Variants in LDAH observed in about 807,000 individuals in gnomAD.
LDAH encodes lipid droplet associated hydrolase.
A neutral mutation model predicts 29.6 loss-of-function variants in LDAH; 26 were observed. The observed-to-expected ratio is 0.88, with a 90% confidence interval of 0.64 to 1.22. The LOEUF is 1.22. Ranked by LOEUF, LDAH falls within the 50% of genes most tolerant of loss-of-function variation. LDAH has a pLI of 0.00. For missense variants in LDAH, 344 were observed against 387.3 expected (o/e 0.89, Z 0.94); for synonymous variants, 117 against 133.0 (o/e 0.88, Z 0.83).
At chr2:20,774,685 G>A in intron 4 of LDAH, 125 bp downstream of exon 4, 1 of 930,274 alleles carries the variant, frequency 1.1e-6, no homozygotes, top group South Asian at 1.5e-5. Flanking sequence ...AAGGCAGAAA[G>A]CAAATATCCC....
intron 4 of LDAH, among the ~76,000 whole-genome samples, chr2:20,771,408 T>C (rs1357591207): frequency 1.3e-5 from 2 of 152,274 alleles, no homozygotes; most frequent in Non-Finnish European, 2.9e-5. Context: ...TCACACTTCA[T>C]ATGTTATAAA....
In LDAH at chr2:20,685,622, G is replaced by A; in HGVS notation, c.*1281C>T. 1.9e-6 allele frequency: 3 copies of A among 1,550,422 alleles called. No homozygotes were observed. Among genetic ancestry groups the A allele is most frequent in the Non-Finnish European group, 2.6e-6 (3 of 1,146,966 alleles). On this transcript the variant is annotated 3_prime_UTR_variant, in exon 7 of 7. Coordinates refer to ENST00000237822, the MANE Select transcript of LDAH (RefSeq NM_021925.4). ...GATTTGAGCGGAGGGACATCTCATTGTCCTTAGGGAATGATAATGCCATGA... is the reference window on the plus strand; with the variant it reads ...GATTTGAGCGGAGGGACATCTCATTATCCTTAGGGAATGATAATGCCATGA...
chr2:20,735,931 G>A (rs376530537), intron 5 of LDAH, among the ~76,000 whole-genome samples: 10 of 152,224 alleles, frequency 6.6e-5, no homozygotes, highest in African/African-American at 2.2e-4. Context: ...TAATATGGGG[G>A]TAGTGGTGAT....
At chr2:20,690,139 T>C (rs1433091855) in intron 6 of LDAH, among the ~76,000 whole-genome samples, 2 of 152,076 alleles carry the variant, frequency 1.3e-5, no homozygotes, top group East Asian at 3.9e-4. Context: ...GCAAACACCA[T>C]CCCCGTACAT....
downstream of LDAH, among the ~76,000 whole-genome samples, chr2:20,683,807 A>G (rs1662381285): frequency 6.6e-6 from 1 of 152,120 alleles, no homozygotes; most frequent in Non-Finnish European, 1.5e-5. Context: ...AATCCACCAT[A>G]TGCCAGGCAA....
At chr2:20,725,048 C>T (rs1665916264) in intron 5 of LDAH, among the ~76,000 whole-genome samples, 1 of 152,136 alleles carries the variant, frequency 6.6e-6, no homozygotes, top group East Asian at 1.9e-4. Flanking sequence ...TACTCTTGGT[C>T]TATGGTGACT....
chr2:20,792,490 T>C (rs1671034069), intron 2 of LDAH, among the ~76,000 whole-genome samples: 1 of 152,190 alleles, frequency 6.6e-6, no homozygotes, highest in African/African-American at 2.4e-5. Context: ...AAAATCATAA[T>C]ACTGAATTTT....
At chr2:20,821,511 C>CAA (rs1673298945) in intron 1 of LDAH, among the ~76,000 whole-genome samples, 1 of 151,954 alleles carries the variant, frequency 6.6e-6, no homozygotes, top group Non-Finnish European at 1.5e-5. Context: ...CAAACTATCG[C>CAA]AAGGACAAAA....
chr2:20,708,395 CTG>C (rs1664463624), intron 5 of LDAH, among the ~76,000 whole-genome samples: 1 of 152,184 alleles, frequency 6.6e-6, no homozygotes, highest in Non-Finnish European at 1.5e-5. Context: ...AATAACAAAA[CTG>C]TGTCCCATAA....
At chr2:20,683,634 G>T (rs747520976), downstream of LDAH, among the ~76,000 whole-genome samples, 1 of 152,194 alleles carries the variant, frequency 6.6e-6, no homozygotes, top group African/African-American at 2.4e-5. Flanking sequence ...TTATCCCTGC[G>T]TAAGAGCCAA....
chr2:20,727,329 A>G (rs1666091342), intron 5 of LDAH, among the ~76,000 whole-genome samples: 1 of 152,252 alleles, frequency 6.6e-6, no homozygotes, highest in Non-Finnish European at 1.5e-5. Context: ...TCTTACTCAA[A>G]AATTATTCTG....
chr2:20,758,983 T>C (rs982903482), intron 4 of LDAH, among the ~76,000 whole-genome samples: 9 of 152,174 alleles, frequency 5.9e-5, no homozygotes, highest in African/African-American at 2.2e-4. Context: ...AAAATGTCTA[T>C]TGACATTAAT....
chr2:20,777,687 G>A (rs1331586091), intron 3 of LDAH, among the ~76,000 whole-genome samples: 1 of 152,074 alleles, frequency 6.6e-6, no homozygotes, highest in Non-Finnish European at 1.5e-5. Context: ...TGGGATTACA[G>A]GCGTAAACCA....
At chr2:20,735,883 G>C (rs1203413112) in intron 5 of LDAH, among the ~76,000 whole-genome samples, 1 of 152,096 alleles carries the variant, frequency 6.6e-6, no homozygotes, top group Non-Finnish European at 1.5e-5. Context: ...GACAAGTGGT[G>C]AGTCCCTTGC....
chr2:20,736,113 A>G (rs75069342), intron 5 of LDAH, among the ~76,000 whole-genome samples: 163 of 152,312 alleles, frequency 1.1e-3, no homozygotes, highest in Non-Finnish European at 2.0e-3. Flanking sequence ...AGTAGAGTAG[A>G]GCAGTTACTG....
At chr2:20,779,551 CAT>C (rs1170595367) in intron 3 of LDAH, among the ~76,000 whole-genome samples, 1 of 151,598 alleles carries the variant, frequency 6.6e-6, no homozygotes, top group Non-Finnish European at 1.5e-5. Context: ...CCATGCTATA[CAT>C]ATATATAAAT....
chr2:20,801,266 T>C (rs756777570), intron 2 of LDAH, 44 bp downstream of exon 2: 6 of 1,575,350 alleles, frequency 3.8e-6, no homozygotes, highest in East Asian at 4.5e-5. Flanking sequence ...GACATAGTTA[T>C]GAGTATCTAC....
intron 4 of LDAH, among the ~76,000 whole-genome samples, chr2:20,766,575 C>T (rs1489520641): frequency 2.0e-5 from 3 of 152,234 alleles, no homozygotes; most frequent in South Asian, 2.1e-4. Context: ...TGTTAAAAGC[C>T]ACTGACATTG....
At chr2:20,724,262 C>A (rs1005910223) in intron 5 of LDAH, among the ~76,000 whole-genome samples, 3 of 152,200 alleles carry the variant, frequency 2.0e-5, no homozygotes, top group African/African-American at 7.2e-5. Context: ...TAGAACTGAT[C>A]TCTCCTTTCT....
Sources: allele counts gnomAD v4.1 joint callset (sites outside exome capture counted in the v4.1 genomes callset), GRCh38; gene constraint gnomAD v4.1.1; transcripts MANE v1.5; gene names NCBI Gene and HGNC (gene_info 2026-07-23, HGNC 2026-07-21).